Variants in STK3 observed in about 807,000 individuals in gnomAD.
The protein encoded by STK3 is serine/threonine kinase 3, also known as serine/threonine-protein kinase 3.
A neutral mutation model predicts 58.0 loss-of-function variants in STK3; 41 were observed. That is an observed-to-expected ratio of 0.71 (90% CI 0.55 to 0.92). STK3 has a LOEUF of 0.92. Ranked by LOEUF, STK3 falls within the 40% of genes least tolerant of loss-of-function variation. The probability of loss-of-function intolerance (pLI) is 0.00; values close to 1 mark genes in which losing one functional copy is unlikely to be tolerated. For synonymous variants in STK3, 170 were observed against 191.0 expected (o/e 0.89, Z 0.91); for missense variants, 479 against 602.7 (o/e 0.79, Z 2.15).
At chr8:98,744,624 C>G (rs937191172) in intron 4 of STK3, among the ~76,000 whole-genome samples, 34 of 149,938 alleles carry the variant, frequency 2.3e-4, no homozygotes, top group African/African-American at 8.3e-4. Flanking sequence ...GGAGATATAC[C>G]TAATGCTAAA....
intron 4 of STK3, among the ~76,000 whole-genome samples, chr8:98,729,663 G>A (rs72666690): frequency 0.036 from 5,482 of 152,286 alleles, 116 homozygotes; most frequent in South Asian, 0.061. Flanking sequence ...GGATGACAAT[G>A]TCAAAAGCAA....
the STK3 span, among the ~76,000 whole-genome samples, chr8:98,355,284 C>A: frequency 6.6e-6 from 1 of 152,144 alleles, no homozygotes; most frequent in African/African-American, 2.4e-5. Context: ...TTACTTATAC[C>A]TACTCCTCTC....
chr8:98,921,123 A>C (rs1052203279), intron 1 of STK3: 1 of 152,142 alleles, frequency 6.6e-6, no homozygotes, highest in African/African-American at 2.4e-5. Flanking sequence ...GTATCTGGTG[A>C]TGATATGCTC....
chr8:98,916,760 C>T lies in STK3; in HGVS notation c.-79+25618G>A, dbSNP rs1257400876. Among the ~76,000 whole-genome samples the T allele has an allele frequency of 2.6e-5, 4 of 152,158 alleles. No individual in the cohort carries two copies. The East Asian group carries it at 5.8e-4, about 22-fold the overall frequency. On this transcript the variant is annotated intron_variant, in intron 1 of 1. Transcript: ENST00000519420. ...TCATCAGACTAAGATGTCTGCCCCT[C>T]GTGCAGCTTCCTAAGTAATTGTAAG... is the stretch of plus-strand genomic sequence containing the variant.
chr8:98,730,575 G>A (rs563053303), intron 4 of STK3, among the ~76,000 whole-genome samples: 1 of 152,058 alleles, frequency 6.6e-6, no homozygotes, highest in Admixed American at 6.5e-5. Flanking sequence ...AATTAGCCAG[G>A]CATAGTGGTG....
the STK3 span, among the ~76,000 whole-genome samples, chr8:98,354,562 GA>G: frequency 6.6e-6 from 1 of 152,200 alleles, no homozygotes; most frequent in Non-Finnish European, 1.5e-5. Flanking sequence ...AGATTTGTGT[GA>G]AACAGAAAGA....
At position 98,597,902 on chromosome 8, in the gene STK3, A is replaced by C. The variant is rs957146886; in HGVS notation, c.685-1733T>G. 4 of 985,246 alleles carry C rather than the reference A, an allele frequency of 4.1e-6. No individual in the cohort carries two copies. The Admixed American group carries it at 2.5e-4, about 61-fold the overall frequency. 61.0% of individuals were successfully genotyped at this position (985,246 alleles called of 1,614,324 possible). On this transcript the variant is annotated intron_variant, in intron 6 of 10. Transcript: ENST00000419617. ...TGAAATTCTGCCTGCAAATAACCTA[A>C]TTAATCTCAGACAGCTCCACAGTTG...
At chr8:98,842,793 G>A (rs1836046737) in intron 3 of STK3, among the ~76,000 whole-genome samples, 1 of 152,106 alleles carries the variant, frequency 6.6e-6, no homozygotes, top group South Asian at 2.1e-4. Flanking sequence ...TTGAGCTCAG[G>A]AGTTTGAGAC....
chr8:98,697,881 G>A (rs1825132176), intron 6 of STK3, among the ~76,000 whole-genome samples: 1 of 152,132 alleles, frequency 6.6e-6, no homozygotes, highest in Non-Finnish European at 1.5e-5. Context: ...TATTAGGTCT[G>A]CTTGGTGCAC....
intron 4 of STK3, among the ~76,000 whole-genome samples, chr8:98,712,639 CCTGA>C (rs1198100408): frequency 3.3e-5 from 5 of 151,958 alleles, no homozygotes; most frequent in Non-Finnish European, 5.9e-5. Context: ...TAAAGCAAGT[CCTGA>C]CTGACCTACA....
At chr8:98,896,087 C>G (rs541068528) in intron 1 of STK3, among the ~76,000 whole-genome samples, 3 of 152,162 alleles carry the variant, frequency 2.0e-5, no homozygotes, top group African/African-American at 7.2e-5. Context: ...CTAGCCCTGC[C>G]CCTGAAATAG....
chr8:98,571,486 C>T (rs1812962047), intron 8 of STK3, among the ~76,000 whole-genome samples: 1 of 152,174 alleles, frequency 6.6e-6, no homozygotes, highest in Non-Finnish European at 1.5e-5. Context: ...TGGCATTTCT[C>T]CCCACACCCA....
At chr8:98,448,277 T>G (rs1243667591) in intron 1 of STK3, among the ~76,000 whole-genome samples, 1 of 152,150 alleles carries the variant, frequency 6.6e-6, no homozygotes, top group Non-Finnish European at 1.5e-5. Flanking sequence ...TCCTATATAC[T>G]TTATGGAAGG....
chr8:98,389,206 T>C (rs375510776), upstream of STK3, among the ~76,000 whole-genome samples: 4 of 152,328 alleles, frequency 2.6e-5, no homozygotes, highest in African/African-American at 9.6e-5. Context: ...CTGTTTCACC[T>C]TCTCCATGAA....
chr8:98,600,421 G>T (rs915847615), intron 6 of STK3, among the ~76,000 whole-genome samples: 1 of 152,114 alleles, frequency 6.6e-6, no homozygotes, highest in African/African-American at 2.4e-5. Context: ...ATAGTGCCTG[G>T]CACAATTGTA....
At chr8:98,636,845 G>A (rs189920634) in intron 6 of STK3, among the ~76,000 whole-genome samples, 12 of 152,098 alleles carry the variant, frequency 7.9e-5, no homozygotes, top group African/African-American at 1.2e-4. Context: ...GAGCTATTAC[G>A]CATCTGACAC....
chr8:98,354,997 G>A, the STK3 span, among the ~76,000 whole-genome samples: 1,875 of 152,152 alleles, frequency 0.012, 22 homozygotes, highest in Non-Finnish European at 0.017. Flanking sequence ...GGCTGGTCCC[G>A]AACTCCTAAC....
At chr8:98,806,590 T>A (rs138063770) in intron 1 of STK3, among the ~76,000 whole-genome samples, 178 of 152,268 alleles carry the variant, frequency 1.2e-3, no homozygotes, top group African/African-American at 3.7e-3. Context: ...AAGCTGTTAG[T>A]CCCTGTGTTA....
In STK3 at chr8:98,653,752, C is replaced by T. The variant is rs560810374; in HGVS notation, c.684+52715G>A. 4.3e-3 allele frequency among the ~76,000 whole-genome samples: 653 copies of T among 152,128 alleles called. 5 individuals are homozygous for T. The highest frequency in any genetic ancestry group is 0.014 in the East Asian group (73 of 5,180). On this transcript the variant is annotated intron_variant, in intron 6 of 10. Transcript: ENST00000419617. The stretch of plus-strand genomic sequence containing the variant: ...ATCTAGAAGAAATGGATAAATTCCT[C>T]GACACATACACCCTCCCAAGACTAA...
Sources: allele counts gnomAD v4.1 joint callset (sites outside exome capture counted in the v4.1 genomes callset), GRCh38; gene constraint gnomAD v4.1.1; transcripts MANE v1.5; gene names NCBI Gene and HGNC (gene_info 2026-07-23, HGNC 2026-07-21).